The following HDHD2 variants were observed in gnomAD, a reference collection of about 807,000 sequenced individuals.
HDHD2 encodes the protein haloacid dehalogenase like hydrolase domain containing 2.
HDHD2 carries 26 observed loss-of-function variants against 24.8 expected under a neutral mutation model. That is an observed-to-expected ratio of 1.05 (90% CI 0.77 to 1.45). HDHD2 has a LOEUF of 1.45. HDHD2 is among the 40% of genes most tolerant of loss of function. HDHD2 has a pLI of 0.00. For synonymous variants in HDHD2, 128 were observed against 114.9 expected, an observed-to-expected ratio of 1.11 and a Z score of -0.73; for missense variants, 299 against 313.4, an observed-to-expected ratio of 0.95 and a Z score of 0.35.
chr18:47,139,398 G>C (rs1311702341), intron 1 of HDHD2, among the ~76,000 whole-genome samples: 1 of 148,262 alleles, frequency 6.7e-6, no homozygotes, highest in African/African-American at 2.5e-5. Context: ...CTGGGAGGCG[G>C]AGCTTGCAGT....
At chr18:47,147,502 A>G (rs1349592269) in intron 1 of HDHD2, among the ~76,000 whole-genome samples, 2 of 152,222 alleles carry the variant, frequency 1.3e-5, no homozygotes, top group African/African-American at 4.8e-5. Context: ...AATGGACCAA[A>G]AAAAGGCATT....
chr18:47,148,995 T>C (rs1278146546), intron 1 of HDHD2: 1 of 152,182 alleles, frequency 6.6e-6, no homozygotes, highest in Non-Finnish European at 1.5e-5. Flanking sequence ...ATTGCTAATG[T>C]AGAAATAATA....
At chr18:47,131,885 T>C (rs1449133198) in intron 3 of HDHD2, among the ~76,000 whole-genome samples, 3 of 152,232 alleles carry the variant, frequency 2.0e-5, no homozygotes, top group Admixed American at 6.5e-5. Flanking sequence ...TCATTTGAAG[T>C]AATTCTTTTC....
chr18:47,112,323 T>G (rs2144277018), intron 6 of HDHD2, among the ~76,000 whole-genome samples: 1 of 152,088 alleles, frequency 6.6e-6, no homozygotes, highest in Middle Eastern at 3.4e-3. Context: ...GACCCGAGTC[T>G]CACACAGCTA....
intron 1 of HDHD2, among the ~76,000 whole-genome samples, chr18:47,144,538 T>C (rs1296396254): frequency 6.6e-6 from 1 of 152,026 alleles, no homozygotes; most frequent in South Asian, 2.1e-4. Context: ...ACTTCAAGAT[T>C]GTAATTAGCG....
At chr18:47,144,666 G>T (rs1197874670) in intron 1 of HDHD2, among the ~76,000 whole-genome samples, 2 of 151,936 alleles carry the variant, frequency 1.3e-5, no homozygotes, top group African/African-American at 4.8e-5. Context: ...AAGCGTGGTA[G>T]CATGGGCCTG....
intron 1 of HDHD2, among the ~76,000 whole-genome samples, chr18:47,140,447 C>T (rs2063809740): frequency 6.6e-6 from 1 of 152,186 alleles, no homozygotes; most frequent in African/African-American, 2.4e-5. Flanking sequence ...ACTTTTCTAA[C>T]AGTTTGGTGT....
At chr18:47,121,005 A>G (rs1257486212) in intron 4 of HDHD2, among the ~76,000 whole-genome samples, 1 of 152,092 alleles carries the variant, frequency 6.6e-6, no homozygotes, top group African/African-American at 2.4e-5. Flanking sequence ...TATTGCCAAG[A>G]ATTACCAAAA....
chr18:47,120,749 A>G (rs1599931208), intron 4 of HDHD2, among the ~76,000 whole-genome samples: 1 of 152,228 alleles, frequency 6.6e-6, no homozygotes, highest in East Asian at 1.9e-4. Flanking sequence ...CTTTCACTTA[A>G]ACACTCAGGG....
At chr18:47,129,077 C>T (rs578200263) in intron 4 of HDHD2, among the ~76,000 whole-genome samples, 2 of 151,786 alleles carry the variant, frequency 1.3e-5, no homozygotes, top group Non-Finnish European at 2.9e-5. Context: ...CTAAGCTAGT[C>T]CAATATGCAA....
chr18:47,140,024 C>T (rs992252495), intron 1 of HDHD2, among the ~76,000 whole-genome samples: 2 of 152,166 alleles, frequency 1.3e-5, no homozygotes, highest in Non-Finnish European at 2.9e-5. Context: ...GTAACTGGTA[C>T]AATTAATTTG....
chr18:47,134,959 A>G (rs2063750024), intron 2 of HDHD2, among the ~76,000 whole-genome samples: 1 of 152,230 alleles, frequency 6.6e-6, no homozygotes, highest in South Asian at 2.1e-4. Flanking sequence ...AGCTCTGTCC[A>G]ACAAGAGCAC....
chr18:47,112,663 C>T (rs1278381256), intron 6 of HDHD2, among the ~76,000 whole-genome samples: 1 of 152,194 alleles, frequency 6.6e-6, no homozygotes, highest in African/African-American at 2.4e-5. Context: ...TCACAGAGCA[C>T]CACCATCCAT....
intron 1 of HDHD2, 28 bp from the exon 2 acceptor site, chr18:47,136,477 T>C (rs766398246): frequency 1.7e-5 from 27 of 1,596,684 alleles, no homozygotes; most frequent in Non-Finnish European, 2.2e-5. Context: ...AAATTAAAAA[T>C]ACAGTTTAGG....
chr18:47,127,234 G>C (rs1035275333), intron 4 of HDHD2, among the ~76,000 whole-genome samples: 3 of 151,986 alleles, frequency 2.0e-5, no homozygotes, highest in Non-Finnish European at 4.4e-5. Flanking sequence ...TTAAAATAGA[G>C]TATATTGTAG....
At chr18:47,146,635 T>C (rs1289572330) in intron 1 of HDHD2, among the ~76,000 whole-genome samples, 2 of 152,178 alleles carry the variant, frequency 1.3e-5, no homozygotes, top group African/African-American at 2.4e-5. Context: ...TTGTGGTATA[T>C]TTACACACAG....
chr18:47,134,706 T>C lies in HDHD2; in HGVS notation c.102-2A>G. 1 of 1,612,124 alleles carries C rather than the reference T, an allele frequency of 6.2e-7. No homozygotes were observed. Among genetic ancestry groups the C allele is most frequent in the South Asian group, 1.1e-5 (1 of 90,786 alleles). On this transcript the variant is annotated splice_acceptor_variant, in intron 2 of 6. Transcript: ENST00000300605. LOFTEE classifies it high-confidence loss of function. ...ATGATTACAGAAGCACCACGTAACC[T>C]GGAGAGGGCCAAATTCAGAAGTCAA...
intron 4 of HDHD2, among the ~76,000 whole-genome samples, chr18:47,121,717 C>CT (rs1181695034): frequency 7.2e-5 from 11 of 152,152 alleles, no homozygotes; most frequent in South Asian, 2.1e-4. Context: ...CTATCCCCAA[C>CT]CCCGCATCTC....
At chr18:47,130,410 A>T (rs1185606203) in intron 3 of HDHD2, 82 bp from the exon 4 acceptor site, 10 of 877,854 alleles carry the variant, frequency 1.1e-5, no homozygotes, top group Non-Finnish European at 1.8e-5. Context: ...TTAGTCAATC[A>T]AGTGCAAACT....
Sources: gnomAD v4.1 joint callset for allele counts (sites outside exome capture counted in the v4.1 genomes callset) on GRCh38, gnomAD v4.1.1 for gene constraint, MANE v1.5 for transcripts, NCBI Gene and HGNC (gene_info 2026-07-23, HGNC 2026-07-21) for gene names.